DCDC2C: variants seen among roughly 807,000 people sequenced by gnomAD.
DCDC2C encodes doublecortin domain-containing protein 2C.
In DCDC2C, 44 loss-of-function variants were observed where a neutral mutation model predicts 45.0. The observed-to-expected ratio is 0.98, with a 90% CI of 0.77 to 1.26. DCDC2C has a LOEUF of 1.26. Ranked by LOEUF, DCDC2C falls within the 50% of genes most tolerant of loss-of-function variation. The probability of loss-of-function intolerance (pLI) is 0.00; values close to 1 mark genes in which losing one functional copy is unlikely to be tolerated. For missense variants in DCDC2C, 447 were observed against 468.9 expected (o/e 0.95, Z 0.43); for synonymous variants, 187 against 178.8 (o/e 1.05, Z -0.37).
At chr2:3,832,203 C>G (rs1239899993) in intron 10 of DCDC2C, among the ~76,000 whole-genome samples, 1 of 152,224 alleles carries the variant, frequency 6.6e-6, no homozygotes, top group African/African-American at 2.4e-5. Context: ...TTTCACCATA[C>G]ATTTGTGTTG....
intron 10 of DCDC2C, among the ~76,000 whole-genome samples, chr2:3,810,412 C>A (rs1671366581): frequency 6.6e-6 from 1 of 152,188 alleles, no homozygotes; most frequent in African/African-American, 2.4e-5. Flanking sequence ...CTGCTCATAT[C>A]TTTTACCACT....
chr2:3,750,644 T>G (rs1046816831), intron 4 of DCDC2C, among the ~76,000 whole-genome samples: 2 of 152,178 alleles, frequency 1.3e-5, no homozygotes, highest in African/African-American at 4.8e-5. Flanking sequence ...TTCTCCCCAG[T>G]GCCTTTAGGA....
At position 3,847,927 on chromosome 2, in the gene DCDC2C, G is replaced by C. The variant is rs984803077; in HGVS notation, c.*744G>C. On this transcript the variant is annotated 3_prime_UTR_variant, in exon 11 of 11. Coordinates refer to ENST00000399143, the MANE Select transcript of DCDC2C (RefSeq NM_001287444.2). ...CTTCGCCCTTCTGCTATGATTGTAA[G>C]TTTCCTGAGGCCTCCCAAGCCATGC... is the stretch of plus-strand genomic sequence containing the variant. Among the ~76,000 whole-genome samples the C allele has an allele frequency of 2.6e-5, 4 of 152,132 alleles. No individual in the cohort carries two copies. The highest frequency in any genetic ancestry group is 4.2e-4 in the South Asian group (2 of 4,818).
intron 9 of DCDC2C, among the ~76,000 whole-genome samples, chr2:3,779,390 C>T (rs957117319): frequency 1.3e-5 from 2 of 152,200 alleles, no homozygotes; most frequent in African/African-American, 2.4e-5. Flanking sequence ...GGTTCTTGCT[C>T]GGTCTTCTTC....
rs765969589 is a variant in DCDC2C, at chr2:3,778,220, G to A, written c.955-596G>A. On this transcript the variant is annotated intron_variant, in intron 8 of 10. Transcript: ENST00000399143. ...GCCAGCTGCCATGCATGTGCAGCACGCATACTTGGTTGGCGTGTTATTGCA... is the reference window on the plus strand; with the variant it reads ...GCCAGCTGCCATGCATGTGCAGCACACATACTTGGTTGGCGTGTTATTGCA... Among the ~76,000 whole-genome samples the A allele has an allele frequency of 1.9e-4, 29 of 152,216 alleles. 1 individual carries two copies. The highest frequency in any genetic ancestry group is 2.8e-4 in the Non-Finnish European group (19 of 68,038).
intron 10 of DCDC2C, among the ~76,000 whole-genome samples, chr2:3,785,721 A>G (rs1670635084): frequency 6.6e-6 from 1 of 152,184 alleles, no homozygotes; most frequent in South Asian, 2.1e-4. Flanking sequence ...AAGTGATGAC[A>G]GTGATTTTTG....
intron 1 of DCDC2C, among the ~76,000 whole-genome samples, chr2:3,705,951 G>A (rs532286258): frequency 2.0e-5 from 3 of 152,294 alleles, no homozygotes; most frequent in South Asian, 4.1e-4. Flanking sequence ...CTTCACTGCT[G>A]TAAAATAGAT....
chr2:3,728,722 T>A (rs1369239087), intron 3 of DCDC2C, among the ~76,000 whole-genome samples: 5 of 152,208 alleles, frequency 3.3e-5, no homozygotes, highest in Non-Finnish European at 7.3e-5. Flanking sequence ...TAAAAACACA[T>A]AAACAGTAGT....
chr2:3,741,804 G>T, intron 3 of DCDC2C, 116 bp from the exon 4 acceptor site: 1 of 1,120,580 alleles, frequency 8.9e-7, no homozygotes, highest in East Asian at 2.8e-5. Flanking sequence ...AGTATTGGAG[G>T]CTGCTTAGTG....
At chr2:3,790,805 T>TG (rs1427811329) in intron 10 of DCDC2C, among the ~76,000 whole-genome samples, 1 of 152,068 alleles carries the variant, frequency 6.6e-6, no homozygotes, top group Non-Finnish European at 1.5e-5. Context: ...CAATGAAACT[T>TG]TTAGAAAATT....
intron 10 of DCDC2C, among the ~76,000 whole-genome samples, chr2:3,786,338 C>T (rs1288594502): frequency 1.3e-5 from 2 of 149,256 alleles, no homozygotes; most frequent in African/African-American, 5.1e-5. Flanking sequence ...TGCACGGAGC[C>T]TCCGGTGTGC....
intron 6 of DCDC2C, among the ~76,000 whole-genome samples, chr2:3,756,971 C>T (rs972865016): frequency 6.6e-6 from 1 of 152,156 alleles, no homozygotes. Context: ...GAATGATGAT[C>T]ACTGAGATTA....
rs571207100 is a variant in DCDC2C, at chr2:3,717,138, T to C, written c.339+8538T>C. Among the ~76,000 whole-genome samples, 8 of 152,224 alleles carry C rather than the reference T, an allele frequency of 5.3e-5. No homozygotes were observed. The East Asian group carries it at 1.5e-3, about 29-fold the overall frequency. ...TGAACACTGCTGTTTTGTAGGGTGCTCTCCAATTCATTTTCTCTTCTAGTT... is the reference window on the plus strand; with the variant it reads ...TGAACACTGCTGTTTTGTAGGGTGCCCTCCAATTCATTTTCTCTTCTAGTT... On this transcript the variant is annotated intron_variant, in intron 2 of 10. Transcript: ENST00000399143.
rs111391181 is a variant in DCDC2C, at chr2:3,767,888, G to A, written c.853+8G>A. The A allele has an allele frequency of 3.3e-6, 5 of 1,498,072 alleles. No individual in the cohort carries two copies. The highest frequency in any genetic ancestry group is 1.4e-5 in the African/African-American group (1 of 69,998). 92.8% of individuals were successfully genotyped at this position (1,498,072 alleles called of 1,614,324 possible). On this transcript the variant is annotated splice_region_variant and intron_variant, in intron 7 of 10. Coordinates refer to ENST00000399143, the MANE Select transcript of DCDC2C (RefSeq NM_001287444.2). ...TAGTCCAAAGGGGTGCAGGTGACGT[G>A]CAGTTTCATTCTGCTGTAGGCAGTT...
At chr2:3,788,437 G>A (rs1670711234) in intron 10 of DCDC2C, 1 of 152,050 alleles carries the variant, frequency 6.6e-6, no homozygotes, top group South Asian at 2.1e-4. Context: ...AGTCACTTCT[G>A]ACAGCCAAGC....
At chr2:3,829,452 G>T (rs1671902984) in intron 10 of DCDC2C, among the ~76,000 whole-genome samples, 1 of 151,972 alleles carries the variant, frequency 6.6e-6, no homozygotes, top group Admixed American at 6.6e-5. Flanking sequence ...TAGCAGGCAG[G>T]GCAGGCCCTC....
At chr2:3,725,680 G>T (rs1237283631) in intron 2 of DCDC2C, among the ~76,000 whole-genome samples, 1 of 151,474 alleles carries the variant, frequency 6.6e-6, no homozygotes, top group Non-Finnish European at 1.5e-5. Flanking sequence ...GAGTGAGGAG[G>T]CTGCCAGGTG....
chr2:3,760,270 A>G (rs1207977225), intron 6 of DCDC2C, among the ~76,000 whole-genome samples: 1 of 152,218 alleles, frequency 6.6e-6, no homozygotes, highest in Non-Finnish European at 1.5e-5. Flanking sequence ...AAGAACTTGC[A>G]TTTGCACTGT....
At chr2:3,775,155 A>AGCTAGGCAGCTGTGGCTGTGG (rs1670299910) in intron 8 of DCDC2C, among the ~76,000 whole-genome samples, 1 of 73,934 alleles carries the variant, frequency 1.4e-5, no homozygotes. Context: ...TGTGGCTGTG[A>AGCTAGGCAGCTGTGGCTGTGG]GCTAGGCAGC....
Sources: allele counts gnomAD v4.1 joint callset (sites outside exome capture counted in the v4.1 genomes callset), GRCh38; gene constraint gnomAD v4.1.1; transcripts MANE v1.5; gene names NCBI Gene and HGNC (gene_info 2026-07-23, HGNC 2026-07-21).